TNS1: variants seen among roughly 807,000 people sequenced by gnomAD.
TNS1 encodes tensin-1.
Under a neutral mutation model 168.6 loss-of-function variants are expected in TNS1, and 62 were observed. The ratio of observed to expected loss-of-function variants is 0.37; its 90% confidence interval spans 0.30 to 0.45. TNS1 has a LOEUF of 0.45. TNS1 is among the 20% of genes least tolerant of loss of function. The probability of loss-of-function intolerance (pLI) is 1.00; values close to 1 mark genes in which losing one functional copy is unlikely to be tolerated. For synonymous variants in TNS1, 934 were observed against 933.2 expected (o/e 1.00, Z -0.02); for missense variants, 2,240 against 2,339.4 (o/e 0.96, Z 0.88).
intron 3 of TNS1, among the ~76,000 whole-genome samples, chr2:217,946,626 C>T (rs989278801): frequency 6.6e-6 from 1 of 152,092 alleles, no homozygotes; most frequent in African/African-American, 2.4e-5. Context: ...CCAGACACAT[C>T]CCACAAAGGT....
intron 18 of TNS1, chr2:217,850,641 C>T (rs1314893025): frequency 4.1e-6 from 4 of 964,376 alleles, no homozygotes; most frequent in African/African-American, 1.8e-5. Context: ...ACGCACCTCC[C>T]CTTACTCTAA....
At position 217,799,802 on chromosome 2, in the gene TNS1, A is replaced by C. The variant is rs150814497; in HGVS notation, c.*4657T>G. On this transcript the variant is annotated 3_prime_UTR_variant, in exon 33 of 33. Transcript: ENST00000682258. ...TAGATAACGGCACAGAGTTTTCTTT[A>C]ACTTTATCATTTATAAAGCCATACA... 6.6e-6 allele frequency: 1 copy of C among 152,162 alleles called. No homozygotes were observed. 9.4% of individuals were successfully genotyped at this position (152,162 alleles called of 1,614,324 possible). A position where few individuals can be genotyped will look rare whatever the true frequency, so the allele number is the denominator to read the frequency against.
rs1189746569 is a variant in TNS1 at position 217,995,714 on chromosome 2, AG to A, written c.34-4659del. Among the ~76,000 whole-genome samples, 1 of 152,080 alleles carries A rather than the reference AG, an allele frequency of 6.6e-6. No homozygotes were observed. The highest frequency in any genetic ancestry group is 1.5e-5 in the Non-Finnish European group (1 of 68,002). On this transcript the variant is annotated intron_variant, in intron 1 of 32. Transcript: ENST00000682258. This position sits in a 1 kb window ranked among gnomAD's most constrained non-coding sequence, Gnocchi z 4.1. The stretch of plus-strand genomic sequence containing the variant: ...AAAGGAACCTACTTAGGGAAAACTC[AG>A]GGGCAAAAGGAGACACAGCCACAGC...
intron 3 of TNS1, among the ~76,000 whole-genome samples, chr2:217,924,529 T>C (rs1955908703): frequency 6.6e-6 from 1 of 152,190 alleles, no homozygotes; most frequent in Non-Finnish European, 1.5e-5. Flanking sequence ...AGGTACACAA[T>C]AAATGTCTGT....
At chr2:217,821,961 G>C in intron 22 of TNS1, 23 bp from the exon 23 acceptor site, 4 of 1,565,432 alleles carry the variant, frequency 2.6e-6, no homozygotes, top group Non-Finnish European at 3.5e-6. Context: ...AGAGGACAGA[G>C]ACACTGAGCA....
intron 28 of TNS1, among the ~76,000 whole-genome samples, chr2:217,811,534 G>T (rs971952244): frequency 5.9e-5 from 9 of 152,194 alleles, no homozygotes; most frequent in African/African-American, 2.2e-4. Context: ...TAGGGCCACA[G>T]CCTAGGAGCG....
Position 218,032,918 on chromosome 2 carries a change from C to T in TNS1, c.156+902G>A, listed in dbSNP as rs767650805. Among the ~76,000 whole-genome samples, 4 of 152,130 alleles carry T rather than the reference C, an allele frequency of 2.6e-5. No homozygotes were observed. The highest frequency in any genetic ancestry group is 2.0e-4 in the Admixed American group (3 of 15,282). On this transcript the variant is annotated intron_variant, in intron 1 of 1. Transcript: ENST00000649572. This position sits in a 1 kb window ranked among gnomAD's most constrained non-coding sequence, Gnocchi z 4.0. ...TCCCTGCCACTGTCACACACCGGCA[C>T]ACACACCCTCCCCTCTTTCTCCCCT...
intron 3 of TNS1, among the ~76,000 whole-genome samples, chr2:217,977,015 C>T (rs1957913330): frequency 6.6e-6 from 1 of 152,182 alleles, no homozygotes; most frequent in African/African-American, 2.4e-5. Flanking sequence ...TGTAAAACAA[C>T]AGAATCTTTT....
At chr2:218,004,899 T>G (rs1018773948), upstream of TNS1, among the ~76,000 whole-genome samples, 1 of 152,232 alleles carries the variant, frequency 6.6e-6, no homozygotes, top group Non-Finnish European at 1.5e-5. Flanking sequence ...GTGTTCCACA[T>G]GCAGTTGGCC....
intron 6 of TNS1, chr2:217,900,751 C>T (rs536925256): frequency 1.6e-5 from 9 of 555,550 alleles, no homozygotes; most frequent in South Asian, 4.5e-5. Flanking sequence ...GGAAGAATCC[C>T]GAATGCTGAG....
At chr2:217,888,228 T>C (rs894624017) in intron 12 of TNS1, among the ~76,000 whole-genome samples, 1 of 152,140 alleles carries the variant, frequency 6.6e-6, no homozygotes, top group East Asian at 1.9e-4. Flanking sequence ...GGACAATGAG[T>C]CCGGAGGCGG....
Position 217,995,498 on chromosome 2 carries a change from G to A in TNS1, c.34-4442C>T, listed in dbSNP as rs895192283. The stretch of plus-strand genomic sequence containing the variant: ...AAATATGGGCTAAGAAGAAAAGCGG[G>A]GTGCCTGGTACCTACCCAGCCCTCC... On this transcript the variant is annotated intron_variant, in intron 1 of 32. Coordinates refer to ENST00000682258, the MANE Select transcript of TNS1 (RefSeq NM_001387777.1). The surrounding 1 kb of genome is among the most constrained non-coding windows in gnomAD (Gnocchi z 4.1). Among the ~76,000 whole-genome samples, 1 of 152,132 alleles carries A rather than the reference G, an allele frequency of 6.6e-6. No individual in the cohort carries two copies. The highest frequency in any genetic ancestry group is 2.4e-5 in the African/African-American group (1 of 41,430).
At chr2:218,003,007 C>T (rs560933315), upstream of TNS1, 112 of 444,592 alleles carry the variant, frequency 2.5e-4, 1 homozygote, top group East Asian at 4.0e-3. Context: ...CTGGGCCTCT[C>T]GCCCTGCTGC....
intron 4 of TNS1, among the ~76,000 whole-genome samples, chr2:217,915,713 C>T (rs1954934489): frequency 6.6e-6 from 1 of 152,184 alleles, no homozygotes; most frequent in Admixed American, 6.5e-5. Flanking sequence ...CCGAGGGCAG[C>T]CTGGGGAGAA....
chr2:217,849,215 C>T (rs901657049), intron 18 of TNS1, 128 bp from the exon 19 acceptor site: 68 of 1,158,366 alleles, frequency 5.9e-5, no homozygotes, highest in Admixed American at 7.5e-5. Context: ...CCTCCTCTCA[C>T]CACCCTGAGG....
rs143496504 is a variant in TNS1, at chr2:217,817,652, C to T, written c.4642+38G>A. 1,068 of 1,496,922 alleles carry T rather than the reference C, an allele frequency of 7.1e-4. 3 individuals carry two copies. The African/African-American group carries it at 0.013, about 18-fold the overall frequency. 92.7% of individuals were successfully genotyped at this position (1,496,922 alleles called of 1,614,324 possible). ...TATTTCACTCTTCTACTTACTTCAT[C>T]AGCAGGAGAGGTGAAAATGGAAGGG... On this transcript the variant is annotated intron_variant, in intron 24 of 32. Transcript: ENST00000682258.
At chr2:217,963,952 A>G (rs1322516728) in intron 3 of TNS1, among the ~76,000 whole-genome samples, 1 of 151,472 alleles carries the variant, frequency 6.6e-6, no homozygotes, top group Admixed American at 6.6e-5. Context: ...CTGACTCCCC[A>G]GGCCCCAAAT....
Position 217,818,269 on chromosome 2 carries a change from C to T in TNS1, c.4063G>A (p.Ala1355Thr), listed in dbSNP as rs756030763. The T allele has an allele frequency of 6.8e-6, 11 of 1,613,556 alleles. No homozygotes were observed. The African/African-American group carries it at 1.5e-4, about 22-fold the overall frequency. Reference sequence around the variant, plus strand: ...AGGCCAGAAACCTGGTAGACCCCTGCTGGGTGCCGACACAGGCTGGGGCTC... The same window carrying T: ...AGGCCAGAAACCTGGTAGACCCCTGTTGGGTGCCGACACAGGCTGGGGCTC... ...PGSPSLCRHPAGVYQVSGLHN... is the reference protein window; with the variant it reads ...PGSPSLCRHPTGVYQVSGLHN... The change falls in exon 24 of 33, where the codon GCA becomes ACA. Residue 1355 changes from alanine to threonine, a missense_variant. Physicochemically the swap from Ala to Thr is moderately conservative, Grantham distance 58 (BLOSUM62 0). Coordinates refer to ENST00000682258, the MANE Select transcript of TNS1 (RefSeq NM_001387777.1).
chr2:217,931,250 C>A lies in TNS1; in HGVS notation c.187-11014G>T, dbSNP rs1328221720. Among the ~76,000 whole-genome samples the A allele has an allele frequency of 2.6e-5, 4 of 152,184 alleles. No individual in the cohort carries two copies. In the East Asian group the frequency reaches 5.8e-4, roughly 22 times the overall value. ...AGTCCATCTGTTTTTCCACCCAGAG[C>A]GAGGCTGCCCACCCCAACCCCTCAC... is the stretch of plus-strand genomic sequence containing the variant. On this transcript the variant is annotated intron_variant, in intron 3 of 32. Transcript: ENST00000682258.
Sources: gnomAD v4.1 joint callset for allele counts (sites outside exome capture counted in the v4.1 genomes callset) on GRCh38, gnomAD v4.1.1 for gene constraint, Gnocchi (gnomAD v3.1) non-coding constraint, MANE v1.5 for transcripts, NCBI Gene and HGNC (gene_info 2026-07-23, HGNC 2026-07-21) for gene names.